Variants in SLC14A2 observed in about 807,000 individuals in gnomAD.
SLC14A2 encodes urea transporter 2.
Under a neutral mutation model 104.6 loss-of-function variants are expected in SLC14A2, and 91 were observed. The ratio of observed to expected loss-of-function variants is 0.87; its 90% CI spans 0.73 to 1.04. The LOEUF (loss-of-function observed/expected upper bound fraction) is 1.04. Ranked by LOEUF, SLC14A2 falls within the 50% of genes least tolerant of loss-of-function variation. The pLI, the probability that SLC14A2 is intolerant of heterozygous loss-of-function variation, is 0.00. For synonymous variants in SLC14A2, 476 were observed against 466.4 expected (o/e 1.02, Z -0.27); for missense variants, 1,189 against 1,156.0 (o/e 1.03, Z -0.41).
chr18:45,331,262 C>T (rs932393899), intron 1 of SLC14A2, among the ~76,000 whole-genome samples: 1 of 152,206 alleles, frequency 6.6e-6, no homozygotes. Context: ...GTAATATCCC[C>T]TTATACAAAT....
intron 1 of SLC14A2, among the ~76,000 whole-genome samples, chr18:45,261,301 A>G (rs1568125630): frequency 1.3e-5 from 2 of 151,398 alleles, no homozygotes; most frequent in Non-Finnish European, 2.9e-5. Context: ...GCTGAGAATG[A>G]TGGTTTCCAG....
intron 1 of SLC14A2, among the ~76,000 whole-genome samples, chr18:45,340,068 C>T (rs1413173247): frequency 1.3e-5 from 2 of 152,190 alleles, no homozygotes; most frequent in East Asian, 1.9e-4. Flanking sequence ...CTTGGTAGGT[C>T]ACATGTGCTA....
At chr18:45,610,668 A>C (rs2044958227), upstream of SLC14A2, among the ~76,000 whole-genome samples, 1 of 152,206 alleles carries the variant, frequency 6.6e-6, no homozygotes, top group African/African-American at 2.4e-5. Flanking sequence ...GACCAGCAGG[A>C]GGCATATGTT....
intron 1 of SLC14A2, among the ~76,000 whole-genome samples, chr18:45,297,706 A>T (rs1399282871): frequency 2.0e-5 from 3 of 152,218 alleles, no homozygotes; most frequent in Non-Finnish European, 4.4e-5. Context: ...CTAAACTTTA[A>T]ATTGTTAAAC....
At chr18:45,677,236 G>T (rs2046241958) in intron 18 of SLC14A2, among the ~76,000 whole-genome samples, 1 of 152,212 alleles carries the variant, frequency 6.6e-6, no homozygotes, top group Non-Finnish European at 1.5e-5. Context: ...TGATAAAATA[G>T]CAAATATCAG....
At chr18:45,360,903 ATC>A (rs376110676) in intron 1 of SLC14A2, among the ~76,000 whole-genome samples, 10 of 152,154 alleles carry the variant, frequency 6.6e-5, no homozygotes, top group African/African-American at 1.2e-4. Context: ...ACATTCCCCC[ATC>A]TCTCTTTTCC....
intron 2 of SLC14A2, among the ~76,000 whole-genome samples, chr18:45,553,567 A>G (rs1312711431): frequency 6.6e-6 from 1 of 152,208 alleles, no homozygotes; most frequent in East Asian, 1.9e-4. Flanking sequence ...GGTGTGCTGT[A>G]TGAGGTCAAC....
At chr18:45,557,793 C>T (rs1418092280) in intron 2 of SLC14A2, among the ~76,000 whole-genome samples, 1 of 152,120 alleles carries the variant, frequency 6.6e-6, no homozygotes, top group East Asian at 1.9e-4. Flanking sequence ...TAGTTTCTTG[C>T]CCATTTAATT....
At chr18:45,173,393 C>T in the SLC14A2 span, among the ~76,000 whole-genome samples, 8 of 151,758 alleles carry the variant, frequency 5.3e-5, no homozygotes, top group African/African-American at 9.7e-5. Flanking sequence ...AATGTAATCA[C>T]GGTTTTCCTT....
intron 1 of SLC14A2, among the ~76,000 whole-genome samples, chr18:45,408,246 T>C (rs746198862): frequency 6.6e-6 from 1 of 152,182 alleles, no homozygotes; most frequent in African/African-American, 2.4e-5. Context: ...ACTGAGATCA[T>C]TTTTCTCTCT....
At chr18:45,467,537 C>T (rs538335427) in intron 1 of SLC14A2, among the ~76,000 whole-genome samples, 2 of 152,304 alleles carry the variant, frequency 1.3e-5, no homozygotes, top group East Asian at 3.9e-4. Flanking sequence ...CAGGCCAACC[C>T]AGCAGCCAGG....
intron 1 of SLC14A2, among the ~76,000 whole-genome samples, chr18:45,279,947 C>T (rs1408821211): frequency 6.6e-6 from 1 of 152,176 alleles, no homozygotes; most frequent in Admixed American, 6.5e-5. Flanking sequence ...TATTTAGCAG[C>T]TTCCCTGGTC....
chr18:45,426,205 C>T (rs935226387), intron 1 of SLC14A2, among the ~76,000 whole-genome samples: 18 of 152,092 alleles, frequency 1.2e-4, no homozygotes, highest in Non-Finnish European at 2.4e-4. Context: ...TGAACTATCC[C>T]GCCTCTGTTT....
intron 1 of SLC14A2, among the ~76,000 whole-genome samples, chr18:45,476,590 C>T (rs551941063): frequency 6.6e-6 from 1 of 152,274 alleles, no homozygotes; most frequent in African/African-American, 2.4e-5. Context: ...AACTTGGTTC[C>T]ATTCTCCCCA....
intron 1 of SLC14A2, among the ~76,000 whole-genome samples, chr18:45,424,418 G>C (rs958949257): frequency 1.3e-5 from 2 of 152,220 alleles, no homozygotes; most frequent in African/African-American, 4.8e-5. Flanking sequence ...ACATGGAAGG[G>C]GGGATGCTAA....
At chr18:45,220,141 C>T (rs1402235832) in intron 1 of SLC14A2, among the ~76,000 whole-genome samples, 1 of 152,128 alleles carries the variant, frequency 6.6e-6, no homozygotes, top group African/African-American at 2.4e-5. Context: ...TGAAGTCATT[C>T]CTAATAGAGC....
chr18:45,608,280 T>G (rs1283762884), intron 2 of SLC14A2, among the ~76,000 whole-genome samples: 1 of 152,204 alleles, frequency 6.6e-6, no homozygotes, highest in Non-Finnish European at 1.5e-5. Flanking sequence ...TCTTTAGCAC[T>G]TGTGAACAAC....
chr18:45,443,065 A>T (rs1372500408), intron 1 of SLC14A2, among the ~76,000 whole-genome samples: 1 of 152,238 alleles, frequency 6.6e-6, no homozygotes, highest in African/African-American at 2.4e-5. Flanking sequence ...GTCTAAACCC[A>T]CTGAAATTTA....
At chr18:45,666,103 CCTAA>C (rs769023933) in intron 11 of SLC14A2, 30 bp from the exon 12 acceptor site, 34 of 1,497,094 alleles carry the variant, frequency 2.3e-5, no homozygotes, top group Non-Finnish European at 2.9e-5. Flanking sequence ...GTAGAGGTGT[CCTAA>C]CTGATGGTGC....
Sources: gnomAD v4.1 joint callset for allele counts (sites outside exome capture counted in the v4.1 genomes callset) on GRCh38, gnomAD v4.1.1 for gene constraint, MANE v1.5 for transcripts, NCBI Gene and HGNC (gene_info 2026-07-23, HGNC 2026-07-21) for gene names.